Variants in LONRF1 observed in about 807,000 individuals in gnomAD.
LONRF1 encodes LON peptidase N-terminal domain and RING finger protein 1.
LONRF1 carries 37 observed loss-of-function variants against 85.8 expected under a neutral mutation model. The observed-to-expected ratio is 0.43, with a 90% CI of 0.33 to 0.57. LONRF1 has a LOEUF of 0.57. LONRF1 is among the 20% of genes least tolerant of loss of function. The probability of loss-of-function intolerance (pLI) is 0.04; values close to 1 mark genes in which losing one functional copy is unlikely to be tolerated. For missense variants in LONRF1, 1,036 were observed against 978.0 expected, an observed-to-expected ratio of 1.06 and a Z score of -0.79; for synonymous variants, 517 against 390.1, an observed-to-expected ratio of 1.33 and a Z score of -3.83.
At chr8:12,735,184 T>G (rs997684390) in intron 7 of LONRF1, 102 bp downstream of exon 7, 1 of 735,818 alleles carries the variant, frequency 1.4e-6, no homozygotes, top group Non-Finnish European at 2.3e-6. Flanking sequence ...GAATATAGAA[T>G]GTAATTCTGA....
At chr8:12,752,050 G>A (rs957808594) in intron 1 of LONRF1, among the ~76,000 whole-genome samples, 5 of 152,178 alleles carry the variant, frequency 3.3e-5, no homozygotes, top group African/African-American at 1.2e-4. Flanking sequence ...TTCTTTTGCT[G>A]CTGGCAGAGA....
At position 12,729,026 on chromosome 8, in the gene LONRF1, C is replaced by T. The variant is rs1029429189; in HGVS notation, c.1885G>A (p.Val629Met). The T allele has an allele frequency of 2.5e-6, 4 of 1,614,024 alleles. No homozygotes were observed. The highest frequency in any genetic ancestry group is 2.7e-5 in the African/African-American group (2 of 75,042). The change falls in exon 10 of 12, where the codon GTG becomes ATG. Residue 629 changes from valine to methionine, a missense_variant. Val to Met is a conservative substitution (Grantham distance 21). Coordinates refer to ENST00000398246, the MANE Select transcript of LONRF1 (RefSeq NM_152271.5). ...GACCTTCCGTCCGGTAAGAAATGCA[C>T]GTTTCTAATTTGTAACATACAACCA... ...DYGCMLQIRN[V>M]HFLPDGRSVV...
chr8:12,723,207 G>A lies in LONRF1; in HGVS notation c.2211C>T (p.Leu737=), dbSNP rs572255657. The A allele has an allele frequency of 6.2e-7, 1 of 1,614,122 alleles. No homozygotes were observed. Among genetic ancestry groups the A allele is most frequent in the Admixed American group, 1.7e-5 (1 of 60,024 alleles). The change falls in exon 12 of 12, where the codon CTC becomes CTT. Residue 737 remains leucine (L), a synonymous_variant. Coordinates refer to ENST00000398246, the MANE Select transcript of LONRF1 (RefSeq NM_152271.5). ...ACAGCTGGTATCGTGGGTCTACAGG[G>A]AGAACTGCAAGAAGCCACCAACACC... ...PAWCWWLLAV[L]PVDPRYQLSV...
rs755557317 is a variant in LONRF1 at position 12,729,209 on chromosome 8, T to G, written c.1812A>C (p.Lys604Asn). 6.9e-5 allele frequency: 112 copies of G among 1,613,874 alleles called. No homozygotes were observed. The highest frequency in any genetic ancestry group is 9.3e-5 in the Non-Finnish European group (110 of 1,179,910). Residue 604 changes from lysine (K) to asparagine (N), a missense_variant, in exon 9 of 12, where the codon AAA (lysine) becomes AAC (asparagine). Coordinates refer to ENST00000398246, the MANE Select transcript of LONRF1 (RefSeq NM_152271.5). ...TATCACTGACACACATGCCAAACTG[T>G]TTGGTTCCAGTCTGTATACTTCTTC... ...MIRRSIQTGT[K>N]QFGMCVSDTQ...
intron 3 of LONRF1, 77 bp downstream of exon 3, chr8:12,740,797 C>T: frequency 6.5e-7 from 1 of 1,532,050 alleles, no homozygotes; most frequent in Non-Finnish European, 8.8e-7. Flanking sequence ...CTTATTCCAA[C>T]TTTTATTAGC....
rs778526305 is a variant in LONRF1, at chr8:12,737,168, C to T, written c.1114-28G>A. On this transcript the variant is annotated intron_variant, in intron 4 of 11. Transcript: ENST00000398246. ...ACAAAAATACAATAAACAAAGGTAA[C>T]TGTATTTCTTTACTATCCTTTATTC... The T allele has an allele frequency of 6.9e-6, 11 of 1,604,124 alleles. No homozygotes were observed. In the East Asian group the frequency reaches 8.9e-5, roughly 13 times the overall value.
At chr8:12,733,442 T>C (rs1179174137) in intron 7 of LONRF1, among the ~76,000 whole-genome samples, 1 of 152,146 alleles carries the variant, frequency 6.6e-6, no homozygotes, top group East Asian at 1.9e-4. Flanking sequence ...GAAATGGTTA[T>C]TGCCTTATTT....
chr8:12,754,424 C>G (rs1799543921), intron 1 of LONRF1: 1 of 302,410 alleles, frequency 3.3e-6, no homozygotes, highest in Non-Finnish European at 6.0e-6. Flanking sequence ...AGCGCGCGCC[C>G]GACAGCCAGG....
At chr8:12,728,751 GA>G in intron 10 of LONRF1, 149 bp downstream of exon 10, 1 of 788,790 alleles carries the variant, frequency 1.3e-6, no homozygotes. Context: ...AGCAAGATAC[GA>G]AAAAGGTAAC....
intron 1 of LONRF1, among the ~76,000 whole-genome samples, chr8:12,747,484 T>C (rs1799208950): frequency 1.3e-5 from 2 of 152,160 alleles, no homozygotes; most frequent in South Asian, 4.1e-4. Flanking sequence ...ATAGCCAGTG[T>C]TGGTGTTAAC....
rs2117219907 is a variant in LONRF1 at position 12,725,716 on chromosome 8, A to G, written c.2163+11T>C. 1 of 1,597,514 alleles carries G rather than the reference A, an allele frequency of 6.3e-7. No individual in the cohort carries two copies. On this transcript the variant is annotated intron_variant, in intron 11 of 11. Transcript: ENST00000398246. Reference sequence around the variant, plus strand: ...AAAGTGACTTTTGGAAGAACAGAAAAGCCACCATACCTGAAGGTTTTCCTC... The same window carrying G: ...AAAGTGACTTTTGGAAGAACAGAAAGGCCACCATACCTGAAGGTTTTCCTC...
In LONRF1 at chr8:12,737,037, T is replaced by A. The variant is rs754138998; in HGVS notation, c.1217A>T (p.Asp406Val). 6.2e-7 allele frequency: 1 copy of A among 1,613,684 alleles called. No homozygotes were observed. The highest frequency in any genetic ancestry group is 1.1e-5 in the South Asian group (1 of 91,074). Reference sequence around the variant, plus strand: ...TTCTGAGGACACTCTTTTTAAACAGTCCTCTCTGGCAGGCATTTCTGTTGA... The same window carrying A: ...TTCTGAGGACACTCTTTTTAAACAGACCTCTCTGGCAGGCATTTCTGTTGA... ...INSTEMPARE[D>V]CLKRVSSEPV... The change falls in exon 5 of 12, where the codon GAC (aspartate) becomes GTC (valine). Residue 406 changes from aspartate (D) to valine (V), a missense_variant. This residue lies in a region of LONRF1 where 742 missense variants were observed against 614.4 expected (regional missense o/e 1.21). Transcript: ENST00000398246.
At chr8:12,742,111 A>G (rs985193039) in intron 2 of LONRF1, among the ~76,000 whole-genome samples, 1 of 152,180 alleles carries the variant, frequency 6.6e-6, no homozygotes, top group African/African-American at 2.4e-5. Flanking sequence ...GGCAAATCCA[A>G]AAGATTCCTT....
chr8:12,730,270 T>A (rs1402620296), intron 8 of LONRF1, among the ~76,000 whole-genome samples: 2 of 152,214 alleles, frequency 1.3e-5, no homozygotes, highest in Admixed American at 6.5e-5. Context: ...ATACTGATCA[T>A]GAATAACATG....
intron 6 of LONRF1, 98 bp from the exon 7 acceptor site, chr8:12,735,498 A>T (rs1798683916): frequency 1.3e-6 from 1 of 746,578 alleles, no homozygotes; most frequent in Admixed American, 2.2e-5. Context: ...TATTTAAAGG[A>T]GGAAGAAGGA....
chr8:12,729,899 G>C (rs1218789412), intron 8 of LONRF1, among the ~76,000 whole-genome samples: 1 of 152,166 alleles, frequency 6.6e-6, no homozygotes, highest in African/African-American at 2.4e-5. Flanking sequence ...GAAAGAGAAG[G>C]ATAAAGGCAA....
intron 6 of LONRF1, 101 bp downstream of exon 6, chr8:12,736,599 GC>G: frequency 1.3e-6 from 1 of 774,782 alleles, no homozygotes; most frequent in Non-Finnish European, 2.0e-6. Flanking sequence ...TTTTATTCCA[GC>G]ATTGTGTTAC....
chr8:12,733,631 A>G (rs1798611769), intron 7 of LONRF1, among the ~76,000 whole-genome samples: 1 of 152,192 alleles, frequency 6.6e-6, no homozygotes, highest in African/African-American at 2.4e-5. Flanking sequence ...AAAGATGCAT[A>G]AAATCATTCA....
In LONRF1 at chr8:12,726,001, G is replaced by A. The variant is rs1307188421; in HGVS notation, c.2011-122C>T. ...GGGCAATACCTGTTTCAGTGCTGAC[G>A]TCCCAGAGAGTATTATTCCTATGCT... On this transcript the variant is annotated intron_variant, in intron 10 of 11. Transcript: ENST00000398246. 68 of 792,978 alleles carry A rather than the reference G, an allele frequency of 8.6e-5. 1 individual carries two copies. Among genetic ancestry groups the A allele is most frequent in the East Asian group, 8.1e-4 (31 of 38,456 alleles). 49.1% of individuals were successfully genotyped at this position (792,978 alleles called of 1,614,324 possible).
Sources: allele counts gnomAD v4.1 joint callset (sites outside exome capture counted in the v4.1 genomes callset), GRCh38; gene constraint gnomAD v4.1.1; regional missense constraint gnomAD v4.1.1; transcripts MANE v1.5; gene names NCBI Gene and HGNC (gene_info 2026-07-23, HGNC 2026-07-21).